Variants in PSD3 observed in about 807,000 individuals in gnomAD.
PSD3 encodes PH and SEC7 domain-containing protein 3.
Under a neutral mutation model 105.5 loss-of-function variants are expected in PSD3, and 49 were observed. The observed-to-expected ratio is 0.46, with a 90% CI of 0.37 to 0.59. PSD3 has a LOEUF of 0.59. Ranked by LOEUF, PSD3 falls within the 20% of genes least tolerant of loss-of-function variation. PSD3 has a pLI of 0.00. For missense variants in PSD3, 1,561 were observed against 1,263.8 expected, an observed-to-expected ratio of 1.24 and a Z score of -3.57; for synonymous variants, 557 against 457.8, an observed-to-expected ratio of 1.22 and a Z score of -2.77.
At position 18,533,792 on chromosome 8, in the gene PSD3, T is replaced by A. The variant is rs1341145983; in HGVS notation, c.*1951A>T. 1 of 152,200 alleles carries A rather than the reference T, an allele frequency of 6.6e-6. No individual in the cohort carries two copies. The highest frequency in any genetic ancestry group is 1.5e-5 in the Non-Finnish European group (1 of 68,030). 9.4% of individuals were successfully genotyped at this position (152,200 alleles called of 1,614,324 possible). A position where few individuals can be genotyped will look rare whatever the true frequency, so the allele number is the denominator to read the frequency against. Reference sequence around the variant, plus strand: ...ATAACTTGCTTGTGGATATGTTGGATTCAGTGAGAGGCTACAAAAATCAAT... The same window carrying A: ...ATAACTTGCTTGTGGATATGTTGGAATCAGTGAGAGGCTACAAAAATCAAT... On this transcript the variant is annotated 3_prime_UTR_variant, in exon 16 of 16. Coordinates refer to ENST00000327040, the MANE Select transcript of PSD3 (RefSeq NM_015310.4).
intron 12 of PSD3, among the ~76,000 whole-genome samples, chr8:18,590,748 A>C (rs1803540642): frequency 6.6e-6 from 1 of 152,194 alleles, no homozygotes; most frequent in South Asian, 2.1e-4. Context: ...TCTATTTAAC[A>C]AAAAATACTA....
Position 19,013,643 on chromosome 8 carries a change from C to T in PSD3, c.-60G>A, listed in dbSNP as rs1827062297. ...CCGCCGGGCGCTCCGGGGCCGCAGCCTCAGGGCGCGAGTGCCGGCGGCCAG... is the reference window on the plus strand; with the variant it reads ...CCGCCGGGCGCTCCGGGGCCGCAGCTTCAGGGCGCGAGTGCCGGCGGCCAG... On this transcript the variant is annotated 5_prime_UTR_variant, in exon 1 of 16. Coordinates refer to ENST00000327040, the MANE Select transcript of PSD3 (RefSeq NM_015310.4). 2.4e-6 allele frequency: 3 copies of T among 1,274,294 alleles called. No homozygotes were observed. Among genetic ancestry groups the T allele is most frequent in the Non-Finnish European group, 2.9e-6 (3 of 1,017,212 alleles). The allele number at this position is 1,274,294 out of a possible 1,614,324, so 78.9% of individuals were successfully genotyped here.
intron 1 of PSD3, among the ~76,000 whole-genome samples, chr8:19,024,125 C>T (rs535183170): frequency 9.8e-5 from 15 of 152,328 alleles, no homozygotes; most frequent in Admixed American, 6.5e-4. Context: ...ACAAATAAAT[C>T]ACTTTTTCCA....
intron 1 of PSD3, among the ~76,000 whole-genome samples, chr8:19,055,265 T>G (rs1398380709): frequency 6.6e-6 from 1 of 152,232 alleles, no homozygotes; most frequent in African/African-American, 2.4e-5. Flanking sequence ...ATAGACTCTT[T>G]TTTTTTGGAC....
intron 9 of PSD3, among the ~76,000 whole-genome samples, chr8:18,738,655 G>C (rs553651574): frequency 1.3e-4 from 20 of 152,048 alleles, no homozygotes; most frequent in African/African-American, 4.8e-4. Flanking sequence ...AATCAAACTG[G>C]CATCTTACTC....
At chr8:18,921,398 T>C (rs1438071533) in intron 2 of PSD3, among the ~76,000 whole-genome samples, 2 of 152,240 alleles carry the variant, frequency 1.3e-5, no homozygotes, top group Non-Finnish European at 2.9e-5. Context: ...GCTTAAAATG[T>C]AGAGATGCTT....
rs776046544 is a variant in PSD3, at chr8:18,600,346, T to A, written c.2481+18A>T. 1 of 1,599,650 alleles carries A rather than the reference T, an allele frequency of 6.3e-7. No homozygotes were observed. Among genetic ancestry groups the A allele is most frequent in the Non-Finnish European group, 8.6e-7 (1 of 1,168,114 alleles). On this transcript the variant is annotated intron_variant, in intron 12 of 15. Coordinates refer to ENST00000327040, the MANE Select transcript of PSD3 (RefSeq NM_015310.4). The stretch of plus-strand genomic sequence containing the variant: ...ATTTCATCGAGTTTTGTGGATTTTT[T>A]ATCTGCTTTACTTTTACCTTTTGCA...
chr8:18,864,158 T>C (rs561117231), intron 4 of PSD3, among the ~76,000 whole-genome samples: 1 of 152,342 alleles, frequency 6.6e-6, no homozygotes, highest in African/African-American at 2.4e-5. Context: ...TCTGGTCTTG[T>C]TCTAGATCTA....
chr8:18,541,916 C>G (rs892392186), intron 15 of PSD3, among the ~76,000 whole-genome samples: 8 of 151,946 alleles, frequency 5.3e-5, no homozygotes, highest in Non-Finnish European at 1.0e-4. Context: ...CCACGCCTGG[C>G]TGATTTTGTA....
intron 15 of PSD3, among the ~76,000 whole-genome samples, chr8:18,552,768 C>T (rs1338353165): frequency 1.3e-5 from 2 of 152,102 alleles, no homozygotes; most frequent in Non-Finnish European, 2.9e-5. Context: ...ATGCTTAAAG[C>T]CTCTTTTAGA....
intron 1 of PSD3, among the ~76,000 whole-genome samples, chr8:18,953,692 A>T (rs11774979): frequency 0.39 from 59,232 of 151,446 alleles, 11,755 homozygotes; most frequent in Non-Finnish European, 0.41. Flanking sequence ...GAGGCTGCAG[A>T]GAGTTGAGAT....
At chr8:19,055,460 C>T (rs1424203385) in intron 1 of PSD3, among the ~76,000 whole-genome samples, 1 of 152,164 alleles carries the variant, frequency 6.6e-6, no homozygotes, top group Non-Finnish European at 1.5e-5. Flanking sequence ...ACCAGGTTAG[C>T]CAGGCTGGTC....
chr8:18,709,668 G>A (rs191421944), intron 9 of PSD3, among the ~76,000 whole-genome samples: 1 of 152,298 alleles, frequency 6.6e-6, no homozygotes, highest in East Asian at 1.9e-4. Context: ...CTGTTCTGCA[G>A]ACTCCCCTGG....
intron 10 of PSD3, among the ~76,000 whole-genome samples, chr8:18,637,256 T>C (rs948730119): frequency 4.6e-5 from 7 of 152,242 alleles, no homozygotes; most frequent in Middle Eastern, 3.2e-3. Flanking sequence ...ATCACAATGG[T>C]TAGGTGAAAA....
At chr8:18,728,827 G>GA (rs1803519060) in intron 9 of PSD3, among the ~76,000 whole-genome samples, 5 of 150,984 alleles carry the variant, frequency 3.3e-5, no homozygotes, top group Non-Finnish European at 5.9e-5. Context: ...TAAAACTTTT[G>GA]AAAAAAAAGC....
At chr8:19,013,208 A>G (rs973610843) in intron 1 of PSD3, among the ~76,000 whole-genome samples, 1 of 151,980 alleles carries the variant, frequency 6.6e-6, no homozygotes, top group Non-Finnish European at 1.5e-5. Context: ...TCTGACAGAA[A>G]CGTGATAGTC....
intron 1 of PSD3, among the ~76,000 whole-genome samples, chr8:18,965,927 C>T (rs1824216403): frequency 6.6e-6 from 1 of 152,214 alleles, no homozygotes; most frequent in Non-Finnish European, 1.5e-5. Context: ...CTTTTCCGTG[C>T]CCATTTCCTC....
At chr8:18,568,499 C>G (rs940956719) in intron 14 of PSD3, among the ~76,000 whole-genome samples, 1 of 52,988 alleles carries the variant, frequency 1.9e-5, no homozygotes, top group East Asian at 5.1e-4. Flanking sequence ...GGTCAGACAC[C>G]ACAGTCCCCA....
At chr8:18,984,700 C>T (rs1462488519) in intron 1 of PSD3, among the ~76,000 whole-genome samples, 1 of 152,126 alleles carries the variant, frequency 6.6e-6, no homozygotes, top group African/African-American at 2.4e-5. Context: ...AATTTTTTCA[C>T]ATTTGAAATT....
Sources: allele counts gnomAD v4.1 joint callset (sites outside exome capture counted in the v4.1 genomes callset), GRCh38; gene constraint gnomAD v4.1.1; transcripts MANE v1.5; gene names NCBI Gene and HGNC (gene_info 2026-07-23, HGNC 2026-07-21).